The following THSD7A variants were observed in gnomAD, a reference collection of about 807,000 sequenced individuals.
THSD7A encodes thrombospondin type-1 domain-containing protein 7A.
Under a neutral mutation model 231.3 loss-of-function variants are expected in THSD7A, and 96 were observed. That is an observed-to-expected ratio of 0.41 (90% confidence interval 0.35 to 0.49). The LOEUF (loss-of-function observed/expected upper bound fraction) is 0.49. Ranked by LOEUF, THSD7A falls within the 20% of genes least tolerant of loss-of-function variation. THSD7A has a pLI of 0.05. For missense variants in THSD7A, 2,290 were observed against 2,070.2 expected, an observed-to-expected ratio of 1.11 and a Z score of -2.06; for synonymous variants, 940 against 743.3, an observed-to-expected ratio of 1.26 and a Z score of -4.30.
At chr7:11,550,538 G>T (rs528116145) in intron 4 of THSD7A, among the ~76,000 whole-genome samples, 89 of 152,198 alleles carry the variant, frequency 5.8e-4, no homozygotes, top group South Asian at 2.3e-3. Flanking sequence ...GTTTCGAAGT[G>T]ACACTTTTCC....
rs986187935 is a variant in THSD7A, at chr7:11,637,642, T to G, written c.191-681A>C. Among the ~76,000 whole-genome samples the G allele has an allele frequency of 6.6e-6, 1 of 152,214 alleles. No individual in the cohort carries two copies. Among genetic ancestry groups the G allele is most frequent in the Non-Finnish European group, 1.5e-5 (1 of 68,030 alleles). On this transcript the variant is annotated intron_variant, in intron 1 of 27. Coordinates refer to ENST00000423059, the MANE Select transcript of THSD7A (RefSeq NM_015204.3). This position sits in a 1 kb window ranked among gnomAD's most constrained non-coding sequence, Gnocchi z 4.2. ...CTGGGTAAGGGAATTTAAATGTAAC[T>G]AAAAGACTTTTGCAATTTTCTAATC... is the stretch of plus-strand genomic sequence containing the variant.
At chr7:11,379,607 T>A (rs1336624851) in intron 25 of THSD7A, 23 bp downstream of exon 25, 1 of 1,560,628 alleles carries the variant, frequency 6.4e-7, no homozygotes, top group African/African-American at 1.4e-5. Flanking sequence ...CTGGCTTGTC[T>A]GCCCTGATGA....
At chr7:11,503,143 C>T (rs1021888725) in intron 6 of THSD7A, among the ~76,000 whole-genome samples, 1 of 151,918 alleles carries the variant, frequency 6.6e-6, no homozygotes, top group African/African-American at 2.4e-5. Context: ...AATAGAGAGC[C>T]CAGAAATAAG....
At chr7:11,763,864 T>C (rs887190610) in intron 1 of THSD7A, among the ~76,000 whole-genome samples, 3 of 152,176 alleles carry the variant, frequency 2.0e-5, no homozygotes, top group Non-Finnish European at 2.9e-5. Flanking sequence ...AACATATTAG[T>C]TGGAGCTATA....
Position 11,668,632 on chromosome 7 carries a change from G to A in THSD7A, c.191-31671C>T, listed in dbSNP as rs75436900. ...AATAAATGAATCAAACAAACAAAGAGTGAACATGTATAAGACACAACTAGG... is the reference window on the plus strand; with the variant it reads ...AATAAATGAATCAAACAAACAAAGAATGAACATGTATAAGACACAACTAGG... On this transcript the variant is annotated intron_variant, in intron 1 of 27. Coordinates refer to ENST00000423059, the MANE Select transcript of THSD7A (RefSeq NM_015204.3). Among the ~76,000 whole-genome samples, 801 of 152,240 alleles carry A rather than the reference G, an allele frequency of 5.3e-3. 8 individuals carry two copies. The highest frequency in any genetic ancestry group is 0.019 in the African/African-American group (773 of 41,542).
intron 6 of THSD7A, among the ~76,000 whole-genome samples, chr7:11,532,439 G>C (rs764647283): frequency 6.6e-6 from 1 of 152,282 alleles, no homozygotes; most frequent in East Asian, 1.9e-4. Context: ...GATTGGTAAA[G>C]GCTGAAAAGC....
At chr7:11,805,062 G>T (rs925080304) in intron 1 of THSD7A, among the ~76,000 whole-genome samples, 1 of 152,070 alleles carries the variant, frequency 6.6e-6, no homozygotes, top group Non-Finnish European at 1.5e-5. Flanking sequence ...CGATATTGTA[G>T]TCATTATGTC....
intron 4 of THSD7A, among the ~76,000 whole-genome samples, chr7:11,578,004 A>G (rs1790993620): frequency 6.6e-6 from 1 of 152,050 alleles, no homozygotes; most frequent in African/African-American, 2.4e-5. Context: ...GAAAAGGTCT[A>G]TTTTTTTCCC....
chr7:11,662,054 A>G (rs1418694334), intron 1 of THSD7A, among the ~76,000 whole-genome samples: 1 of 151,324 alleles, frequency 6.6e-6, no homozygotes, highest in Non-Finnish European at 1.5e-5. Flanking sequence ...GAAAGGAGAG[A>G]AAAAGATACA....
In THSD7A at chr7:11,831,533, G is replaced by A. The variant is rs1016461436; in HGVS notation, c.190+224C>T. 1.3e-5 allele frequency among the ~76,000 whole-genome samples: 2 copies of A among 152,204 alleles called. No homozygotes were observed. Among genetic ancestry groups the A allele is most frequent in the African/African-American group, 4.8e-5 (2 of 41,450 alleles). ...CGTTGCCCTCATTACAGAGCTGCGA[G>A]AGAAATATTCCAGCTACTCACTGTT... On this transcript the variant is annotated intron_variant, in intron 1 of 27. Coordinates refer to ENST00000423059, the MANE Select transcript of THSD7A (RefSeq NM_015204.3). The surrounding 1 kb of genome is among the most constrained non-coding windows in gnomAD (Gnocchi z 5.0).
intron 1 of THSD7A, among the ~76,000 whole-genome samples, chr7:11,770,937 A>T (rs1783205681): frequency 6.6e-6 from 1 of 151,790 alleles, no homozygotes; most frequent in Non-Finnish European, 1.5e-5. Flanking sequence ...ATTAATATAC[A>T]ATAAATTTGC....
At chr7:11,727,841 T>TTTACCTCA (rs1781600237) in intron 1 of THSD7A, among the ~76,000 whole-genome samples, 1 of 152,024 alleles carries the variant, frequency 6.6e-6, no homozygotes, top group African/African-American at 2.4e-5. Flanking sequence ...TCTAACCCTC[T>TTTACCTCA]TTACCTCATT....
intron 1 of THSD7A, among the ~76,000 whole-genome samples, chr7:11,753,999 C>T (rs868825563): frequency 6.6e-6 from 1 of 151,914 alleles, no homozygotes; most frequent in Middle Eastern, 3.4e-3. Context: ...TCCAGAACGG[C>T]CACTTTATAT....
chr7:11,669,775 T>G (rs1203065848), intron 1 of THSD7A, among the ~76,000 whole-genome samples: 2 of 152,130 alleles, frequency 1.3e-5, no homozygotes, highest in Non-Finnish European at 2.9e-5. Flanking sequence ...TTCTTATCAA[T>G]ATAATTCCAC....
At chr7:11,719,858 C>G (rs1314951813) in intron 1 of THSD7A, among the ~76,000 whole-genome samples, 3 of 151,668 alleles carry the variant, frequency 2.0e-5, no homozygotes, top group African/African-American at 7.3e-5. Flanking sequence ...ATACATAAAC[C>G]TAAAAAATAA....
At chr7:11,793,660 A>G (rs577111757) in intron 1 of THSD7A, among the ~76,000 whole-genome samples, 1 of 152,002 alleles carries the variant, frequency 6.6e-6, no homozygotes, top group South Asian at 2.1e-4. Flanking sequence ...AAATAAGAAG[A>G]TACTTTTTAA....
intron 1 of THSD7A, among the ~76,000 whole-genome samples, chr7:11,728,976 A>G (rs1225028149): frequency 6.6e-6 from 1 of 151,824 alleles, no homozygotes; most frequent in Non-Finnish European, 1.5e-5. Context: ...TCTAATTTCT[A>G]CCTTAAAAAT....
chr7:11,491,348 A>G (rs1786884173), intron 6 of THSD7A, among the ~76,000 whole-genome samples: 1 of 152,090 alleles, frequency 6.6e-6, no homozygotes, highest in South Asian at 2.1e-4. Flanking sequence ...GTACTACACA[A>G]TATTTAGCTC....
At chr7:11,394,942 G>A (rs990148164) in intron 23 of THSD7A, among the ~76,000 whole-genome samples, 1 of 152,158 alleles carries the variant, frequency 6.6e-6, no homozygotes, top group Non-Finnish European at 1.5e-5. Context: ...GGATCACAAT[G>A]ACAGGATCAA....
Sources: allele counts gnomAD v4.1 joint callset (sites outside exome capture counted in the v4.1 genomes callset), GRCh38; gene constraint gnomAD v4.1.1; non-coding constraint Gnocchi (gnomAD v3.1); transcripts MANE v1.5; gene names NCBI Gene and HGNC (gene_info 2026-07-23, HGNC 2026-07-21).